NOVA1: variants seen among roughly 807,000 people sequenced by gnomAD.
NOVA1 encodes the protein RNA-binding protein Nova-1.
NOVA1 carries 7 observed loss-of-function variants against 38.0 expected under a neutral mutation model. The observed-to-expected ratio is 0.18, with a 90% CI of 0.10 to 0.35. The LOEUF (loss-of-function observed/expected upper bound fraction) is 0.35, where lower values mean the gene tolerates loss of function less well. NOVA1 is among the 10% of genes least tolerant of loss of function. The pLI, the probability that NOVA1 is intolerant of heterozygous loss-of-function variation, is 1.00. For synonymous variants in NOVA1, 270 were observed against 232.5 expected (o/e 1.16, Z -1.47); for missense variants, 460 against 616.0 (o/e 0.75, Z 2.68).
chr14:26,469,142 T>G (rs181539472), intron 4 of NOVA1, among the ~76,000 whole-genome samples: 90 of 152,320 alleles, frequency 5.9e-4, no homozygotes, highest in Middle Eastern at 6.8e-3. Flanking sequence ...TGTAGAAGAA[T>G]ATCAAACTTG....
intron 2 of NOVA1, among the ~76,000 whole-genome samples, chr14:26,585,044 T>C (rs1168311636): frequency 6.6e-6 from 1 of 151,406 alleles, no homozygotes; most frequent in Non-Finnish European, 1.5e-5. Context: ...CTTTTTAAAA[T>C]ATAAATAAAA....
chr14:26,447,913 TGG>T lies in NOVA1; in HGVS notation c.*44_*45del. ...AAGTACAGTACATCCTTCTTGAAAA[TGG>T]GGTAAAGGAGGGGTTAAAACAATCT... On this transcript the variant is annotated 3_prime_UTR_variant, in exon 5 of 5. Transcript: ENST00000539517. 1 of 1,477,640 alleles carries T rather than the reference TGG, an allele frequency of 6.8e-7. No homozygotes were observed. Among genetic ancestry groups the T allele is most frequent in the South Asian group, 1.2e-5 (1 of 86,658 alleles). 91.5% of individuals were successfully genotyped at this position (1,477,640 alleles called of 1,614,324 possible).
chr14:26,511,609 G>A (rs561813662), intron 2 of NOVA1, among the ~76,000 whole-genome samples: 16 of 152,118 alleles, frequency 1.1e-4, no homozygotes, highest in East Asian at 7.8e-4. Flanking sequence ...AAAATTAGCT[G>A]GGCGTGGTGG....
chr14:26,543,514 C>A (rs1319827554), intron 2 of NOVA1, among the ~76,000 whole-genome samples: 1 of 151,834 alleles, frequency 6.6e-6, no homozygotes, highest in Admixed American at 6.6e-5. Context: ...TTAATGAGAA[C>A]ACACTAGAGA....
At position 26,480,151 on chromosome 14, in the gene NOVA1, T is replaced by A. The variant is rs769468813; in HGVS notation, c.281-8A>T. Reference sequence around the variant, plus strand: ...ACACTCGCTCAGTAGTACCTGTGGATAAAACATTGATTTTCAGAAAATATT... The same window carrying A: ...ACACTCGCTCAGTAGTACCTGTGGAAAAAACATTGATTTTCAGAAAATATT... On this transcript the variant is annotated splice_region_variant and splice_polypyrimidine_tract_variant and intron_variant, in intron 2 of 4. Coordinates refer to ENST00000539517, the MANE Select transcript of NOVA1 (RefSeq NM_002515.3). 34 of 1,591,484 alleles carry A rather than the reference T, an allele frequency of 2.1e-5. No homozygotes were observed. The highest frequency in any genetic ancestry group is 2.9e-5 in the Non-Finnish European group (34 of 1,168,128).
chr14:26,502,436 A>G (rs1162837202), intron 2 of NOVA1, among the ~76,000 whole-genome samples: 5 of 151,860 alleles, frequency 3.3e-5, no homozygotes, highest in Admixed American at 3.3e-4. Context: ...ACTGTTTTTC[A>G]TTGTATTTAA....
rs142619208 is a variant in NOVA1 at position 26,447,710 on chromosome 14, C to G, written c.*249G>C. 175 of 511,068 alleles carry G rather than the reference C, an allele frequency of 3.4e-4. No homozygotes were observed. The East Asian group carries it at 5.2e-3, about 15-fold the overall frequency. The allele number at this position is 511,068 out of a possible 1,614,324, so 31.7% of individuals were successfully genotyped here. On this transcript the variant is annotated 3_prime_UTR_variant, in exon 5 of 5. Coordinates refer to ENST00000539517, the MANE Select transcript of NOVA1 (RefSeq NM_002515.3). ...TAAAATGGCAGGCTTAAATCTTACACTAGAAACACCTCTGACAAATATACA... is the reference window on the plus strand; with the variant it reads ...TAAAATGGCAGGCTTAAATCTTACAGTAGAAACACCTCTGACAAATATACA...
chr14:26,482,052 C>T (rs954527296), intron 2 of NOVA1, among the ~76,000 whole-genome samples: 1 of 141,242 alleles, frequency 7.1e-6, no homozygotes, highest in Admixed American at 7.0e-5. Context: ...TAAATCTATG[C>T]TGTCAATAAA....
chr14:26,545,191 T>C (rs1890715373), intron 2 of NOVA1, among the ~76,000 whole-genome samples: 2 of 151,886 alleles, frequency 1.3e-5, no homozygotes, highest in Non-Finnish European at 2.9e-5. Flanking sequence ...AACAGACAAG[T>C]ACAAAGGCAG....
At chr14:26,504,885 A>G (rs1172755251) in intron 2 of NOVA1, among the ~76,000 whole-genome samples, 1 of 152,176 alleles carries the variant, frequency 6.6e-6, no homozygotes, top group African/African-American at 2.4e-5. Flanking sequence ...GTTCTTTGAA[A>G]TGTGTGTACA....
At chr14:26,595,626 G>T in intron 1 of NOVA1, 73 bp from the exon 2 acceptor site, 1 of 1,345,652 alleles carries the variant, frequency 7.4e-7, no homozygotes, top group East Asian at 2.4e-5. Context: ...ACCCTCAAGA[G>T]AGAAAAACAG....
At chr14:26,519,108 C>A (rs1888685976) in intron 2 of NOVA1, 2 of 152,064 alleles carry the variant, frequency 1.3e-5, no homozygotes, top group Non-Finnish European at 2.9e-5. Flanking sequence ...TTACTCAAAT[C>A]TCTTCTCGTG....
At chr14:26,521,907 T>C (rs1437927638) in intron 2 of NOVA1, among the ~76,000 whole-genome samples, 2 of 152,066 alleles carry the variant, frequency 1.3e-5, no homozygotes, top group African/African-American at 2.4e-5. Context: ...AGCAAACAGA[T>C]CTACTAAGGA....
chr14:26,506,191 T>C (rs947684712), intron 2 of NOVA1, among the ~76,000 whole-genome samples: 4 of 97,222 alleles, frequency 4.1e-5, no homozygotes, highest in Non-Finnish European at 8.7e-5. Context: ...CTTAGGCCCA[T>C]GCTAAATTAC....
intron 2 of NOVA1, chr14:26,594,579 T>G (rs1894060390): frequency 6.6e-6 from 1 of 152,062 alleles, no homozygotes; most frequent in Admixed American, 6.5e-5. Flanking sequence ...ATGTTTTATC[T>G]AGGAAATGTA....
intron 2 of NOVA1, among the ~76,000 whole-genome samples, chr14:26,584,209 T>C (rs1893386900): frequency 6.6e-6 from 1 of 151,218 alleles, no homozygotes; most frequent in Non-Finnish European, 1.5e-5. Flanking sequence ...TTTCTTAACA[T>C]CTCTTTTCTG....
At chr14:26,553,224 C>G (rs1184924365) in intron 2 of NOVA1, among the ~76,000 whole-genome samples, 1 of 152,112 alleles carries the variant, frequency 6.6e-6, no homozygotes, top group Non-Finnish European at 1.5e-5. Context: ...AGGCTAAGAA[C>G]AAAGGCATCT....
At chr14:26,460,345 T>C (rs953509042) in intron 4 of NOVA1, among the ~76,000 whole-genome samples, 4 of 151,994 alleles carry the variant, frequency 2.6e-5, no homozygotes, top group African/African-American at 9.7e-5. Context: ...ACATCTGCCA[T>C]TTAACAAACT....
chr14:26,595,316 T>C, intron 2 of NOVA1, 94 bp downstream of exon 2: 2 of 1,225,274 alleles, frequency 1.6e-6, no homozygotes, highest in Non-Finnish European at 2.3e-6. Context: ...TCTCCAGTAT[T>C]GTTTAAAAAT....
Sources: gnomAD v4.1 joint callset for allele counts (sites outside exome capture counted in the v4.1 genomes callset) on GRCh38, gnomAD v4.1.1 for gene constraint, MANE v1.5 for transcripts, NCBI Gene and HGNC (gene_info 2026-07-23, HGNC 2026-07-21) for gene names.